Variants in UNC13B observed in about 807,000 individuals in gnomAD.
UNC13B encodes unc-13 homolog B.
In UNC13B, 144 loss-of-function variants were observed where a neutral mutation model predicts 211.0. That is an observed-to-expected ratio of 0.68 (90% CI 0.60 to 0.78). UNC13B has a LOEUF of 0.78. Ranked by LOEUF, UNC13B falls within the 30% of genes least tolerant of loss-of-function variation. The pLI is 0.00. For synonymous variants in UNC13B, 709 were observed against 725.8 expected, an observed-to-expected ratio of 0.98 and a Z score of 0.37; for missense variants, 1,777 against 2,002.0, an observed-to-expected ratio of 0.89 and a Z score of 2.14.
At position 35,403,402 on chromosome 9, in the gene UNC13B, C is replaced by T. The variant is rs755416631; in HGVS notation, c.12578-38C>T. On this transcript the variant is annotated intron_variant, in intron 38 of 39. Transcript: ENST00000635942. ...CCTGGGGTTCAAGAACTGGGAAATC[C>T]TGGTGGGATCCCTCACAGGTTTCCC... The T allele has an allele frequency of 9.3e-6, 15 of 1,609,774 alleles. No individual in the cohort carries two copies. In the African/African-American group the frequency reaches 1.7e-4, roughly 19 times the overall value.
chr9:35,318,460 C>T (rs777577499), intron 11 of UNC13B, among the ~76,000 whole-genome samples: 8 of 152,250 alleles, frequency 5.3e-5, no homozygotes, highest in Middle Eastern at 3.4e-3. Context: ...TCCTATTTAT[C>T]GTTCTAGAAT....
Position 35,237,827 on chromosome 9 carries a change from G to C in UNC13B, c.394+1G>C, listed in dbSNP as rs138971394. The stretch of plus-strand genomic sequence containing the variant: ...GATACAAGATTTGAGTTGCCTTTTG[G>C]TGAGTAAAATTTTAAAACTATTTAA... On this transcript the variant is annotated splice_donor_variant, in intron 5 of 39. Transcript: ENST00000635942. LOFTEE classifies it high-confidence loss of function. The C allele has an allele frequency of 5.6e-6, 9 of 1,601,306 alleles. No individual in the cohort carries two copies. The highest frequency in any genetic ancestry group is 7.6e-6 in the Non-Finnish European group (9 of 1,176,916).
chr9:35,236,480 G>A lies in UNC13B; in HGVS notation c.164G>A (p.Arg55His), dbSNP rs377586506. ...WEQDFMFEISRLDLGLSVEVW... is the reference protein window; with the variant it reads ...WEQDFMFEISHLDLGLSVEVW... ...CCTCTTTCCCTTAGTGAGATTAGTC[G>A]CCTGGACCTGGGTCTAAGTGTGGAG... The change falls in exon 4 of 40, where the codon CGC becomes CAC. Residue 55 changes from arginine to histidine, a missense_variant. Coordinates refer to ENST00000635942, the MANE Select transcript of UNC13B (RefSeq NM_001371189.2). The A allele has an allele frequency of 2.7e-5, 44 of 1,613,762 alleles. No homozygotes were observed. Among genetic ancestry groups the A allele is most frequent in the Non-Finnish European group, 3.5e-5 (41 of 1,179,860 alleles).
chr9:35,182,727 G>C (rs188216412), intron 1 of UNC13B, among the ~76,000 whole-genome samples: 1 of 152,138 alleles, frequency 6.6e-6, no homozygotes, highest in South Asian at 2.1e-4. Flanking sequence ...ATCTTGCACC[G>C]CCCTTAATCC....
intron 11 of UNC13B, among the ~76,000 whole-genome samples, chr9:35,340,451 A>C (rs1831918076): frequency 6.6e-6 from 1 of 152,200 alleles, no homozygotes; most frequent in African/African-American, 2.4e-5. Flanking sequence ...AATCATTCTT[A>C]ATTTAAATGC....
chr9:35,174,552 CTT>C (rs1174428850), intron 1 of UNC13B, among the ~76,000 whole-genome samples: 10 of 140,856 alleles, frequency 7.1e-5, no homozygotes, highest in Non-Finnish European at 6.2e-5. Flanking sequence ...TCTTGAACTC[CTT>C]TTTTTTTTTT....
chr9:35,293,062 G>A (rs1001459157), intron 7 of UNC13B, among the ~76,000 whole-genome samples: 4 of 152,220 alleles, frequency 2.6e-5, no homozygotes, highest in Non-Finnish European at 1.5e-5. Flanking sequence ...GAAAACTGGA[G>A]GTGATTGCCT....
intron 11 of UNC13B, among the ~76,000 whole-genome samples, chr9:35,326,664 C>T (rs1171005871): frequency 2.0e-5 from 3 of 152,190 alleles, no homozygotes; most frequent in Non-Finnish European, 2.9e-5. Context: ...ACTGGGATTG[C>T]AGGTGTGAAC....
Position 35,399,712 on chromosome 9 carries a change from G to T in UNC13B, c.12319G>T (p.Ala4107Ser), listed in dbSNP as rs369287210. 6.2e-7 allele frequency: 1 copy of T among 1,614,002 alleles called. No homozygotes were observed. The highest frequency in any genetic ancestry group is 1.7e-5 in the Admixed American group (1 of 60,004). ...TPKQCAVLDL[A>S]LDTIKQYFHA... ...AAAGCAGTGTGCAGTCCTTGACCTC[G>T]CCCTGGACACCATCAAGGTGGAGGC... The change falls in exon 36 of 40, where the codon GCC (alanine) becomes TCC (serine). Residue 4107 changes from alanine (A) to serine (S), a missense_variant. Coordinates refer to ENST00000635942, the MANE Select transcript of UNC13B (RefSeq NM_001371189.2).
chr9:35,392,517 G>A (rs753108347), intron 26 of UNC13B, among the ~76,000 whole-genome samples: 5 of 151,992 alleles, frequency 3.3e-5, no homozygotes, highest in Admixed American at 6.6e-5. Flanking sequence ...TGGGGGCCTG[G>A]ATGATAGGAG....
intron 9 of UNC13B, among the ~76,000 whole-genome samples, chr9:35,309,696 C>T (rs572834477): frequency 6.6e-6 from 1 of 152,310 alleles, no homozygotes; most frequent in Non-Finnish European, 1.5e-5. Flanking sequence ...TATAGAGATG[C>T]ATGAATACGG....
intron 1 of UNC13B, among the ~76,000 whole-genome samples, chr9:35,220,964 A>G (rs1345344606): frequency 6.6e-6 from 1 of 152,102 alleles, no homozygotes; most frequent in Non-Finnish European, 1.5e-5. Flanking sequence ...CTGGGGTGAG[A>G]TGATACCTCA....
rs963351437 is a variant in UNC13B, at chr9:35,288,327, A to G, written c.527-7369A>G. 5.9e-5 allele frequency among the ~76,000 whole-genome samples: 9 copies of G among 152,322 alleles called. No individual in the cohort carries two copies. The East Asian group carries it at 1.7e-3, about 29-fold the overall frequency. On this transcript the variant is annotated intron_variant, in intron 7 of 39. Coordinates refer to ENST00000635942, the MANE Select transcript of UNC13B (RefSeq NM_001371189.2). ...TCTGTGTTGCCCTCCAGGTAATTCC[A>G]AATCCTTAATATTACTTGATTTCTA...
chr9:35,389,722 GA>G, intron 24 of UNC13B, 123 bp from the exon 25 acceptor site: 1 of 1,021,464 alleles, frequency 9.8e-7, no homozygotes, highest in Non-Finnish European at 1.4e-6. Context: ...TCTAGGAGAG[GA>G]AAGGTCCTTG....
Position 35,241,557 on chromosome 9 carries a change from G to GCACACA in UNC13B, c.395-1700_395-1695dup, listed in dbSNP as rs3067420. On this transcript the variant is annotated intron_variant, in intron 5 of 39. Transcript: ENST00000635942. ...TTCCAGAGTCAGTTTCTGAATATAA[G>GCACACA]CACACACACACACACACACACACAC... 4.4e-3 allele frequency among the ~76,000 whole-genome samples: 639 copies of GCACACA among 145,056 alleles called. 13 individuals are homozygous for GCACACA. The highest frequency in any genetic ancestry group is 0.025 in the South Asian group (112 of 4,466).
At chr9:35,258,900 A>C in intron 6 of UNC13B, 93 bp from the exon 7 acceptor site, 1 of 1,342,572 alleles carries the variant, frequency 7.4e-7, no homozygotes, top group Non-Finnish European at 1.0e-6. Flanking sequence ...TCCAAACACT[A>C]AACCTTTTTA....
chr9:35,385,518 G>A, intron 22 of UNC13B: 1 of 985,380 alleles, frequency 1.0e-6, no homozygotes, highest in Non-Finnish European at 1.2e-6. Context: ...AGGGTGGGGA[G>A]TATTAACCCC....
At chr9:35,183,652 C>T (rs1468985501) in intron 1 of UNC13B, among the ~76,000 whole-genome samples, 6 of 123,466 alleles carry the variant, frequency 4.9e-5, no homozygotes, top group African/African-American at 6.3e-5. Context: ...ACATCCCAGA[C>T]GATGGGCGGC....
At chr9:35,166,309 G>T (rs1049534000) in intron 1 of UNC13B, among the ~76,000 whole-genome samples, 3 of 152,056 alleles carry the variant, frequency 2.0e-5, no homozygotes, top group South Asian at 2.1e-4. Flanking sequence ...TTGAACCCAG[G>T]AGGCAAGGTT....
Sources: gnomAD v4.1 joint callset for allele counts (sites outside exome capture counted in the v4.1 genomes callset) on GRCh38, gnomAD v4.1.1 for gene constraint, MANE v1.5 for transcripts, NCBI Gene and HGNC (gene_info 2026-07-23, HGNC 2026-07-21) for gene names.